The following ERC2 variants were observed in gnomAD, a reference collection of about 807,000 sequenced individuals.
The protein encoded by ERC2 is ELKS/RAB6-interacting/CAST family member 2, also known as ERC protein 2.
A neutral mutation model predicts 114.8 loss-of-function variants in ERC2; 42 were observed. That is an observed-to-expected ratio of 0.37 (90% CI 0.29 to 0.47). The LOEUF (loss-of-function observed/expected upper bound fraction) is 0.47. Ranked by LOEUF, ERC2 falls within the 20% of genes least tolerant of loss-of-function variation. ERC2 has a pLI of 0.99. For missense variants in ERC2, 939 were observed against 1,150.7 expected (o/e 0.82, Z 2.66); for synonymous variants, 454 against 425.5 (o/e 1.07, Z -0.82).
At chr3:56,196,228 C>T (rs1486151935) in intron 3 of ERC2, among the ~76,000 whole-genome samples, 8 of 152,082 alleles carry the variant, frequency 5.3e-5, no homozygotes, top group South Asian at 2.1e-4. Context: ...GAAGGCAACA[C>T]GACAGAAGGT....
rs764005978 is a variant in ERC2 at position 56,296,006 on chromosome 3, T to C, written c.1074+13A>G. ...AAATTAAGGCTTTGGGGAAATACAG[T>C]GAATGCTCTTACCTCTCTAAGATGT... On this transcript the variant is annotated intron_variant, in intron 3 of 17. Transcript: ENST00000288221. The C allele has an allele frequency of 3.2e-6, 5 of 1,544,572 alleles. No individual in the cohort carries two copies. The highest frequency in any genetic ancestry group is 2.8e-5 in the African/African-American group (2 of 72,124).
intron 3 of ERC2, among the ~76,000 whole-genome samples, chr3:56,279,488 A>C (rs565957062): frequency 1.3e-3 from 202 of 152,334 alleles, no homozygotes; most frequent in East Asian, 4.8e-3. Flanking sequence ...GGAGGAAGGA[A>C]GCCCCAGCAG....
At chr3:56,195,500 C>CGTGTGCGTGTGT (rs1553873466) in intron 3 of ERC2, among the ~76,000 whole-genome samples, 2 of 149,924 alleles carry the variant, frequency 1.3e-5, no homozygotes, top group Admixed American at 6.6e-5. Flanking sequence ...TGCGTGTGTG[C>CGTGTGCGTGTGT]GTGTGTGTGT....
At chr3:55,676,294 G>T (rs2061807115) in intron 17 of ERC2, among the ~76,000 whole-genome samples, 1 of 151,846 alleles carries the variant, frequency 6.6e-6, no homozygotes, top group African/African-American at 2.4e-5. Context: ...GATGTCCCAG[G>T]TGTAAGACAA....
At chr3:56,466,117 G>A (rs986598034) in intron 1 of ERC2, among the ~76,000 whole-genome samples, 2 of 152,212 alleles carry the variant, frequency 1.3e-5, no homozygotes, top group African/African-American at 4.8e-5. Context: ...GTTTAAAAAA[G>A]ATAATGCATA....
At chr3:55,740,172 C>T (rs2065893401) in intron 14 of ERC2, among the ~76,000 whole-genome samples, 1 of 152,062 alleles carries the variant, frequency 6.6e-6, no homozygotes, top group African/African-American at 2.4e-5. Context: ...ATTTCTAATT[C>T]TCTATAAATG....
intron 12 of ERC2, among the ~76,000 whole-genome samples, chr3:55,955,432 C>G (rs1418664630): frequency 6.6e-6 from 1 of 152,144 alleles, no homozygotes; most frequent in Non-Finnish European, 1.5e-5. Context: ...CTACTCTAAT[C>G]TTTATTTATA....
chr3:55,828,908 G>A (rs1429815483), intron 14 of ERC2, among the ~76,000 whole-genome samples: 4 of 152,172 alleles, frequency 2.6e-5, no homozygotes, highest in East Asian at 1.9e-4. Context: ...GGAGGCTGAC[G>A]TAGGCAAATG....
intron 4 of ERC2, among the ~76,000 whole-genome samples, chr3:56,157,204 C>T (rs1462074219): frequency 1.3e-5 from 2 of 152,194 alleles, no homozygotes; most frequent in African/African-American, 2.4e-5. Context: ...AGGCCAACCT[C>T]AGAAGGGACT....
intron 2 of ERC2, among the ~76,000 whole-genome samples, chr3:56,421,517 T>C (rs563888217): frequency 1.3e-5 from 2 of 152,346 alleles, no homozygotes; most frequent in South Asian, 2.1e-4. Context: ...TTCTCTGAAT[T>C]TGAAGTCGCA....
intron 14 of ERC2, among the ~76,000 whole-genome samples, chr3:55,799,006 G>T (rs577734718): frequency 2.1e-4 from 32 of 152,138 alleles, no homozygotes; most frequent in Non-Finnish European, 3.8e-4. Flanking sequence ...GACAAGAAGC[G>T]CATGTACGTA....
At chr3:55,959,900 A>G (rs529169397) in intron 12 of ERC2, among the ~76,000 whole-genome samples, 1 of 152,324 alleles carries the variant, frequency 6.6e-6, no homozygotes, top group African/African-American at 2.4e-5. Flanking sequence ...GGTTCAAAGC[A>G]GGGTTCCTCT....
intron 3 of ERC2, among the ~76,000 whole-genome samples, chr3:56,250,523 C>T (rs1296498984): frequency 6.6e-6 from 1 of 152,158 alleles, no homozygotes; most frequent in Non-Finnish European, 1.5e-5. Flanking sequence ...ATGACACGCT[C>T]GCTTCAGCAG....
At chr3:55,851,842 C>A (rs1396448995) in intron 14 of ERC2, among the ~76,000 whole-genome samples, 2 of 151,980 alleles carry the variant, frequency 1.3e-5, no homozygotes, top group African/African-American at 4.8e-5. Context: ...GAAGATATGA[C>A]AACAGAGAGA....
chr3:55,747,997 A>C (rs1313827040), intron 14 of ERC2, among the ~76,000 whole-genome samples: 2 of 152,184 alleles, frequency 1.3e-5, no homozygotes, highest in Non-Finnish European at 2.9e-5. Flanking sequence ...CCAGAGTTTG[A>C]AGGAACCTGA....
intron 2 of ERC2, among the ~76,000 whole-genome samples, chr3:56,355,827 G>A: frequency 6.6e-6 from 1 of 151,870 alleles, no homozygotes; most frequent in East Asian, 1.9e-4. Flanking sequence ...TGAAACCTTT[G>A]GGACCTGCCT....
intron 6 of ERC2, among the ~76,000 whole-genome samples, chr3:56,120,093 A>G (rs2079488320): frequency 6.6e-6 from 1 of 152,164 alleles, no homozygotes; most frequent in Admixed American, 6.5e-5. Flanking sequence ...CCTGCACACT[A>G]TTGCAAAATA....
chr3:56,398,932 T>G lies in ERC2; in HGVS notation c.657+35419A>C, dbSNP rs183597842. Among the ~76,000 whole-genome samples, 253 of 152,308 alleles carry G rather than the reference T, an allele frequency of 1.7e-3. 1 individual carries two copies. Among genetic ancestry groups the G allele is most frequent in the African/African-American group, 5.7e-3 (239 of 41,578 alleles). On this transcript the variant is annotated intron_variant, in intron 2 of 17. Coordinates refer to ENST00000288221, the MANE Select transcript of ERC2 (RefSeq NM_015576.3). ...CCATGCATGGCTGCATCCTGTATTT[T>G]TATTTGCTAGATCTGCCAACTTTAC...
intron 3 of ERC2, among the ~76,000 whole-genome samples, chr3:56,213,706 C>G (rs944897169): frequency 6.6e-6 from 1 of 152,192 alleles, no homozygotes; most frequent in African/African-American, 2.4e-5. Context: ...TGAGAACAGA[C>G]AGACTGCCTC....
Sources: allele counts gnomAD v4.1 joint callset (sites outside exome capture counted in the v4.1 genomes callset), GRCh38; gene constraint gnomAD v4.1.1; transcripts MANE v1.5; gene names NCBI Gene and HGNC (gene_info 2026-07-23, HGNC 2026-07-21).